The following ST18 variants were observed in gnomAD, a reference collection of about 807,000 sequenced individuals.
ST18 encodes the protein ST18 C2H2C-type zinc finger transcription factor, also known as suppression of tumorigenicity 18 protein.
A neutral mutation model predicts 110.0 loss-of-function variants in ST18; 50 were observed. The observed-to-expected ratio is 0.45, with a 90% CI of 0.36 to 0.58. The LOEUF is 0.58. Ranked by LOEUF, ST18 falls within the 20% of genes least tolerant of loss-of-function variation. The probability of loss-of-function intolerance (pLI) is 0.00; values close to 1 mark genes in which losing one functional copy is unlikely to be tolerated. For missense variants in ST18, 1,306 were observed against 1,280.1 expected (o/e 1.02, Z -0.31); for synonymous variants, 461 against 452.4 (o/e 1.02, Z -0.24).
chr8:52,232,208 C>T (rs1266438031), intron 2 of ST18, among the ~76,000 whole-genome samples: 2 of 152,160 alleles, frequency 1.3e-5, no homozygotes, highest in Admixed American at 1.3e-4. Flanking sequence ...AATGTTCTGG[C>T]CCCTCATTGA....
In ST18 at chr8:52,392,751, A is replaced by G. The variant is rs552755892; in HGVS notation, c.-465+16577T>C. On this transcript the variant is annotated intron_variant, in intron 2 of 25. Coordinates refer to ENST00000689386, the MANE Select transcript of ST18 (RefSeq NM_001352837.2). The stretch of plus-strand genomic sequence containing the variant: ...TTAAAACACCCTCTAGAGGTTTCTC[A>G]TTGGTTACTTGGTTACACACTATGT... 7.9e-5 allele frequency among the ~76,000 whole-genome samples: 12 copies of G among 152,316 alleles called. No homozygotes were observed. In the South Asian group the frequency reaches 2.5e-3, roughly 32 times the overall value.
chr8:52,136,707 A>T (rs1395387794), intron 18 of ST18, 49 bp from the exon 19 acceptor site: 7 of 1,492,340 alleles, frequency 4.7e-6, no homozygotes, highest in Non-Finnish European at 6.4e-6. Context: ...ACATATACAA[A>T]TCTGAGTCAA....
At chr8:52,345,502 A>T (rs897898688) in intron 2 of ST18, among the ~76,000 whole-genome samples, 1 of 152,236 alleles carries the variant, frequency 6.6e-6, no homozygotes, top group African/African-American at 2.4e-5. Flanking sequence ...TGCAGAAGAG[A>T]TGATACCAGT....
intron 3 of ST18, among the ~76,000 whole-genome samples, chr8:52,224,006 A>G (rs2088159655): frequency 6.6e-6 from 1 of 152,162 alleles, no homozygotes; most frequent in Non-Finnish European, 1.5e-5. Context: ...TCCCTTGAGA[A>G]CCTATCTCCA....
intron 2 of ST18, among the ~76,000 whole-genome samples, chr8:52,348,556 C>T (rs1818775206): frequency 6.6e-6 from 1 of 152,172 alleles, no homozygotes; most frequent in Admixed American, 6.5e-5. Context: ...ACCAGCCTGG[C>T]CAACATGGTG....
intron 2 of ST18, among the ~76,000 whole-genome samples, chr8:52,395,457 G>A (rs1472540753): frequency 1.3e-5 from 2 of 152,168 alleles, no homozygotes; most frequent in Admixed American, 6.5e-5. Context: ...AGGAAGTGAG[G>A]GCCTAAGGGA....
chr8:52,236,843 T>C (rs1215329017), intron 2 of ST18, among the ~76,000 whole-genome samples: 1 of 152,018 alleles, frequency 6.6e-6, no homozygotes, highest in African/African-American at 2.4e-5. Context: ...AAGGTAAAAA[T>C]CATAAAACTG....
intron 23 of ST18, chr8:52,125,782 G>A: frequency 2.6e-6 from 1 of 380,510 alleles, no homozygotes. Flanking sequence ...GAGCCAGCAT[G>A]CCCTGCCAAC....
At chr8:52,267,352 A>G (rs1397121385) in intron 2 of ST18, among the ~76,000 whole-genome samples, 1 of 152,014 alleles carries the variant, frequency 6.6e-6, no homozygotes, top group Non-Finnish European at 1.5e-5. Flanking sequence ...GCAACAAGGA[A>G]CAGCAAGGGG....
intron 8 of ST18, among the ~76,000 whole-genome samples, chr8:52,186,206 T>A (rs936996943): frequency 6.6e-6 from 1 of 152,158 alleles, no homozygotes; most frequent in Non-Finnish European, 1.5e-5. Context: ...ACAGAATATA[T>A]AAAGAATTCT....
At position 52,111,298 on chromosome 8, in the gene ST18, A is replaced by G. The variant is rs867199535; in HGVS notation, c.*1900T>C. 1 of 262,030 alleles carries G rather than the reference A, an allele frequency of 3.8e-6. No homozygotes were observed. Among genetic ancestry groups the G allele is most frequent in the East Asian group, 6.3e-5 (1 of 15,774 alleles). The allele number at this position is 262,030 out of a possible 1,614,324, so 16.2% of individuals were successfully genotyped here. On this transcript the variant is annotated 3_prime_UTR_variant, in exon 26 of 26. Coordinates refer to ENST00000689386, the MANE Select transcript of ST18 (RefSeq NM_001352837.2). The stretch of plus-strand genomic sequence containing the variant: ...TAAGTGAGCTCATTTGTATGCATCT[A>G]TGAAGTACTGTATAGCAAAATGTTT...
At chr8:52,143,253 G>T (rs562745922) in intron 16 of ST18, among the ~76,000 whole-genome samples, 2 of 152,182 alleles carry the variant, frequency 1.3e-5, no homozygotes, top group African/African-American at 4.8e-5. Context: ...TTGGGAAGCC[G>T]AGGCAGGCGG....
intron 2 of ST18, among the ~76,000 whole-genome samples, chr8:52,381,137 T>C (rs903459365): frequency 1.3e-5 from 2 of 152,186 alleles, no homozygotes; most frequent in Non-Finnish European, 2.9e-5. Flanking sequence ...ACAAGTTCCC[T>C]GTATTTAGCA....
intron 7 of ST18, among the ~76,000 whole-genome samples, chr8:52,212,926 T>A (rs1207897980): frequency 1.3e-5 from 2 of 152,126 alleles, no homozygotes; most frequent in Non-Finnish European, 2.9e-5. Flanking sequence ...AATAAGAAAT[T>A]CAAATAATCG....
intron 2 of ST18, among the ~76,000 whole-genome samples, chr8:52,400,716 C>T (rs1842586305): frequency 1.3e-5 from 2 of 152,098 alleles, no homozygotes; most frequent in East Asian, 3.8e-4. Flanking sequence ...AACCTCTCCC[C>T]TGTCATCCAC....
At chr8:52,131,180 C>G (rs1215444432) in intron 22 of ST18, among the ~76,000 whole-genome samples, 1 of 152,196 alleles carries the variant, frequency 6.6e-6, no homozygotes, top group Non-Finnish European at 1.5e-5. Flanking sequence ...TCAATGTTTA[C>G]ACTGCTTATA....
At chr8:52,130,716 T>C (rs551923956) in intron 22 of ST18, among the ~76,000 whole-genome samples, 137 of 152,366 alleles carry the variant, frequency 9.0e-4, no homozygotes, top group African/African-American at 3.0e-3. Flanking sequence ...TGTTGCTCCA[T>C]ATCCTCACCA....
intron 2 of ST18, among the ~76,000 whole-genome samples, chr8:52,359,805 C>T (rs563214292): frequency 6.6e-6 from 1 of 152,210 alleles, no homozygotes; most frequent in African/African-American, 2.4e-5. Context: ...TTCCTAAGTA[C>T]TCTACTGACA....
Position 52,185,009 on chromosome 8 carries a change from G to C in ST18, c.87-4697C>G, listed in dbSNP as rs147471226. On this transcript the variant is annotated intron_variant, in intron 8 of 25. Coordinates refer to ENST00000689386, the MANE Select transcript of ST18 (RefSeq NM_001352837.2). ...TAACAAAGGTATGATGATTGAAAAA[G>C]AAAAAATTAAACTATTATTATTTGT... Among the ~76,000 whole-genome samples, 983 of 152,068 alleles carry C rather than the reference G, an allele frequency of 6.5e-3. 6 individuals carry two copies. The highest frequency in any genetic ancestry group is 0.011 in the Non-Finnish European group (738 of 67,938).
Sources: allele counts gnomAD v4.1 joint callset (sites outside exome capture counted in the v4.1 genomes callset), GRCh38; gene constraint gnomAD v4.1.1; transcripts MANE v1.5; gene names NCBI Gene and HGNC (gene_info 2026-07-23, HGNC 2026-07-21).